HMG20A: variants seen among roughly 807,000 people sequenced by gnomAD.
HMG20A encodes high mobility group 20A.
HMG20A carries 17 observed loss-of-function variants against 43.9 expected under a neutral mutation model. The observed-to-expected ratio is 0.39, with a 90% CI of 0.27 to 0.58. The LOEUF (loss-of-function observed/expected upper bound fraction) is 0.58, where lower values mean the gene tolerates loss of function less well. HMG20A is among the 20% of genes least tolerant of loss of function. The probability of loss-of-function intolerance (pLI) is 0.59; values close to 1 mark genes in which losing one functional copy is unlikely to be tolerated. For missense variants in HMG20A, 341 were observed against 438.2 expected, an observed-to-expected ratio of 0.78 and a Z score of 1.98; for synonymous variants, 132 against 147.5, an observed-to-expected ratio of 0.89 and a Z score of 0.76.
chr15:77,510,481 A>T, the HMG20A span, among the ~76,000 whole-genome samples: 1 of 152,220 alleles, frequency 6.6e-6, no homozygotes, highest in Non-Finnish European at 1.5e-5. Context: ...GCTTAAATGC[A>T]CTGGGGGAGA....
In HMG20A at chr15:77,485,323, G is replaced by C. The variant is rs779986608; in HGVS notation, c.*2360G>C. 1 of 152,600 alleles carries C rather than the reference G, an allele frequency of 6.6e-6. No homozygotes were observed. Among genetic ancestry groups the C allele is most frequent in the South Asian group, 2.1e-4 (1 of 4,828 alleles). The allele number at this position is 152,600 out of a possible 1,614,324, so 9.5% of individuals were successfully genotyped here. A position where few individuals can be genotyped will look rare whatever the true frequency, so the allele number is the denominator to read the frequency against. On this transcript the variant is annotated 3_prime_UTR_variant, in exon 10 of 10. Coordinates refer to ENST00000336216, the MANE Select transcript of HMG20A (RefSeq NM_001304504.2). ...TCCCAGTACACCTGTAGATATTACTGTACTTTTATGTTCTCAAGAAATAAG... is the reference window on the plus strand; with the variant it reads ...TCCCAGTACACCTGTAGATATTACTCTACTTTTATGTTCTCAAGAAATAAG...
chr15:77,443,375 TGA>T (rs879746145), intron 1 of HMG20A, among the ~76,000 whole-genome samples: 396 of 134,652 alleles, frequency 2.9e-3, no homozygotes, highest in Middle Eastern at 7.6e-3. Context: ...ATGATGATGA[TGA>T]TGATTATTAT....
rs892570507 is a variant in HMG20A, at chr15:77,483,752, G to C, written c.*789G>C. 2 of 152,804 alleles carry C rather than the reference G, an allele frequency of 1.3e-5. No homozygotes were observed. Among genetic ancestry groups the C allele is most frequent in the Non-Finnish European group, 1.5e-5 (1 of 68,076 alleles). 9.5% of individuals were successfully genotyped at this position (152,804 alleles called of 1,614,324 possible). A position where few individuals can be genotyped will look rare whatever the true frequency, so the allele number is the denominator to read the frequency against. On this transcript the variant is annotated 3_prime_UTR_variant, in exon 10 of 10. Coordinates refer to ENST00000336216, the MANE Select transcript of HMG20A (RefSeq NM_001304504.2). ...GACATGGAGTCCCAGCCCCAGCAAG[G>C]CTCTTCTGTTCCCATCTGTTGACAA...
chr15:77,421,078 T>G, intron 1 of HMG20A, 74 bp downstream of exon 1: 1 of 369,952 alleles, frequency 2.7e-6, no homozygotes, highest in Non-Finnish European at 4.8e-6. Flanking sequence ...ACCCCTCTTT[T>G]GGTGGTGGTG....
chr15:77,436,324 A>G (rs958165030), intron 1 of HMG20A, among the ~76,000 whole-genome samples: 3 of 152,034 alleles, frequency 2.0e-5, no homozygotes, highest in Non-Finnish European at 2.9e-5. Flanking sequence ...CCTCCTAAAT[A>G]TATCTCAGAT....
chr15:77,457,401 C>T (rs2072664986), intron 1 of HMG20A, among the ~76,000 whole-genome samples: 1 of 152,194 alleles, frequency 6.6e-6, no homozygotes, highest in African/African-American at 2.4e-5. Context: ...GATTGAGGCA[C>T]TCTTTCTTGA....
chr15:77,468,596 G>C (rs62007336), intron 4 of HMG20A, among the ~76,000 whole-genome samples: 4 of 84,176 alleles, frequency 4.8e-5, no homozygotes, highest in Admixed American at 1.2e-4. Flanking sequence ...CTCTCTCTCT[G>C]TCACACACAC....
chr15:77,454,473 A>C (rs1182538142), intron 1 of HMG20A, among the ~76,000 whole-genome samples: 1 of 152,032 alleles, frequency 6.6e-6, no homozygotes, highest in Non-Finnish European at 1.5e-5. Context: ...GAGTTGGAGG[A>C]TTTGGGTGAG....
At chr15:77,443,332 G>C (rs996415744) in intron 1 of HMG20A, among the ~76,000 whole-genome samples, 1 of 145,290 alleles carries the variant, frequency 6.9e-6, no homozygotes, top group African/African-American at 2.5e-5. Context: ...TCCAATCTTT[G>C]TTCTTATATA....
intron 3 of HMG20A, among the ~76,000 whole-genome samples, chr15:77,465,419 G>A (rs1442847037): frequency 1.4e-5 from 2 of 146,562 alleles, no homozygotes; most frequent in East Asian, 4.0e-4. Context: ...TTTTTGAGGT[G>A]GAGTCTTATT....
chr15:77,461,031 C>A (rs2072700113), intron 2 of HMG20A, among the ~76,000 whole-genome samples: 1 of 151,426 alleles, frequency 6.6e-6, no homozygotes, highest in African/African-American at 2.4e-5. Flanking sequence ...GAAGAATCAA[C>A]AGAGTCTAAA....
chr15:77,491,329 G>A, the HMG20A span, among the ~76,000 whole-genome samples: 1 of 152,204 alleles, frequency 6.6e-6, no homozygotes, highest in African/African-American at 2.4e-5. Flanking sequence ...GAAGGCAGCT[G>A]GGTCCAGGCA....
intron 1 of HMG20A, among the ~76,000 whole-genome samples, chr15:77,433,800 G>C (rs1231419892): frequency 6.6e-6 from 1 of 152,146 alleles, no homozygotes; most frequent in Non-Finnish European, 1.5e-5. Flanking sequence ...GTATTGTAAA[G>C]ATATCATTTC....
At chr15:77,429,380 TCTTTTCCAGCCTCAAAATTCATATCTC>T (rs1193629314) in intron 1 of HMG20A, among the ~76,000 whole-genome samples, 1 of 151,966 alleles carries the variant, frequency 6.6e-6, no homozygotes, top group Non-Finnish European at 1.5e-5. Context: ...CCCCATTTTT[TCTTTTCCAGCCTCAAAATTCATATCTC>T]CTTTTTTTCC....
chr15:77,518,772 C>T, the HMG20A span, among the ~76,000 whole-genome samples: 2 of 152,314 alleles, frequency 1.3e-5, no homozygotes, highest in South Asian at 2.1e-4. Context: ...TCCAGGTGCA[C>T]TGAAGGAGGG....
the HMG20A span, among the ~76,000 whole-genome samples, chr15:77,510,309 C>T: frequency 6.6e-6 from 1 of 152,208 alleles, no homozygotes; most frequent in Non-Finnish European, 1.5e-5. Context: ...ATGACTGAAA[C>T]CTGGCAGTGG....
At chr15:77,447,153 A>T (rs2142305355) in intron 1 of HMG20A, among the ~76,000 whole-genome samples, 1 of 152,300 alleles carries the variant, frequency 6.6e-6, no homozygotes, top group Middle Eastern at 3.4e-3. Context: ...AAGTTGTCTT[A>T]CTTGGGCAAT....
intron 7 of HMG20A, 72 bp from the exon 8 acceptor site, chr15:77,478,223 T>A: frequency 1.3e-6 from 2 of 1,490,862 alleles, no homozygotes; most frequent in Non-Finnish European, 1.9e-6. Context: ...AGAACTTCCC[T>A]GTAAGAGTCA....
chr15:77,501,987 G>T, the HMG20A span, among the ~76,000 whole-genome samples: 1 of 152,086 alleles, frequency 6.6e-6, no homozygotes, highest in African/African-American at 2.4e-5. Flanking sequence ...CTCGCCCCTA[G>T]ATCAGAAATG....
Sources: gnomAD v4.1 joint callset for allele counts (sites outside exome capture counted in the v4.1 genomes callset) on GRCh38, gnomAD v4.1.1 for gene constraint, MANE v1.5 for transcripts, NCBI Gene and HGNC (gene_info 2026-07-23, HGNC 2026-07-21) for gene names.